The following RSRC1 variants were observed in gnomAD, a reference collection of about 807,000 sequenced individuals.
The protein encoded by RSRC1 is arginine and serine rich coiled-coil 1, also known as serine/Arginine-related protein 53.
A neutral mutation model predicts 49.1 loss-of-function variants in RSRC1; 39 were observed. The observed-to-expected ratio is 0.79, with a 90% CI of 0.61 to 1.04. RSRC1 has a LOEUF of 1.04. Among genes scored for constraint, RSRC1 ranks in the 50% least tolerant of loss-of-function variants. RSRC1 has a pLI of 0.00. For missense variants in RSRC1, 388 were observed against 402.4 expected, an observed-to-expected ratio of 0.96 and a Z score of 0.31; for synonymous variants, 143 against 130.8, an observed-to-expected ratio of 1.09 and a Z score of -0.63.
intron 5 of RSRC1, among the ~76,000 whole-genome samples, chr3:158,345,056 T>TA (rs1730468816): frequency 1.3e-5 from 2 of 148,338 alleles, no homozygotes; most frequent in Non-Finnish European, 3.0e-5. Flanking sequence ...CCATCTCTAC[T>TA]AAAAAATAAA....
chr3:158,204,965 CATT>C (rs1239192522), intron 4 of RSRC1, among the ~76,000 whole-genome samples: 4 of 152,118 alleles, frequency 2.6e-5, no homozygotes, highest in Non-Finnish European at 5.9e-5. Flanking sequence ...CATATGGTAA[CATT>C]AATCTTGAAT....
chr3:158,473,445 T>C (rs964128886), intron 7 of RSRC1, among the ~76,000 whole-genome samples: 1 of 151,832 alleles, frequency 6.6e-6, no homozygotes, highest in Non-Finnish European at 1.5e-5. Flanking sequence ...TTCTTACTCA[T>C]AGGTGGGAAT....
At chr3:158,346,131 C>T (rs1276026031) in intron 5 of RSRC1, among the ~76,000 whole-genome samples, 6 of 151,844 alleles carry the variant, frequency 4.0e-5, no homozygotes, top group Non-Finnish European at 8.8e-5. Flanking sequence ...TTAAATACAC[C>T]ACCATAAAAG....
chr3:158,499,148 C>T (rs553710924), intron 7 of RSRC1, among the ~76,000 whole-genome samples: 7 of 152,150 alleles, frequency 4.6e-5, no homozygotes, highest in East Asian at 3.9e-4. Context: ...GAAGCCGAGG[C>T]GGACTGGTCA....
chr3:158,342,600 T>A, intron 5 of RSRC1, among the ~76,000 whole-genome samples: 1 of 152,190 alleles, frequency 6.6e-6, no homozygotes. Flanking sequence ...AACAGACTAA[T>A]GCATAGAGAT....
At chr3:158,328,735 G>A (rs375889000) in intron 5 of RSRC1, among the ~76,000 whole-genome samples, 2 of 152,208 alleles carry the variant, frequency 1.3e-5, no homozygotes, top group East Asian at 3.9e-4. Context: ...TCTTCTCGAG[G>A]AGTATCTTTG....
chr3:158,501,933 CT>C (rs1488355282), intron 7 of RSRC1, among the ~76,000 whole-genome samples: 1 of 151,922 alleles, frequency 6.6e-6, no homozygotes, highest in Non-Finnish European at 1.5e-5. Context: ...TTTGTTTTTG[CT>C]TTTTAACTTG....
intron 6 of RSRC1, among the ~76,000 whole-genome samples, chr3:158,364,106 C>A (rs1000190582): frequency 9.9e-5 from 15 of 152,132 alleles, no homozygotes; most frequent in African/African-American, 3.6e-4. Flanking sequence ...TCTTCATAGC[C>A]ATGTGATCCT....
At chr3:158,362,946 C>T (rs971429091) in intron 6 of RSRC1, among the ~76,000 whole-genome samples, 3 of 152,106 alleles carry the variant, frequency 2.0e-5, no homozygotes, top group African/African-American at 7.2e-5. Flanking sequence ...ACACATGCAC[C>T]TTTAAAATTA....
At chr3:158,459,168 C>G (rs375130151) in intron 6 of RSRC1, among the ~76,000 whole-genome samples, 1 of 151,954 alleles carries the variant, frequency 6.6e-6, no homozygotes, top group South Asian at 2.1e-4. Context: ...GTTTGAAGCT[C>G]AATTACATAA....
At chr3:158,477,111 A>G (rs1406914919) in intron 7 of RSRC1, among the ~76,000 whole-genome samples, 1 of 152,150 alleles carries the variant, frequency 6.6e-6, no homozygotes, top group Non-Finnish European at 1.5e-5. Flanking sequence ...ACATGAACAA[A>G]TGAGTAGTTG....
chr3:158,216,745 T>C (rs953511635), intron 4 of RSRC1, among the ~76,000 whole-genome samples: 4 of 151,702 alleles, frequency 2.6e-5, no homozygotes, highest in Admixed American at 2.0e-4. Flanking sequence ...ATCTCCCACA[T>C]ACCTGAGCGT....
intron 4 of RSRC1, among the ~76,000 whole-genome samples, chr3:158,295,784 CA>C (rs1727201127): frequency 6.6e-6 from 1 of 152,038 alleles, no homozygotes; most frequent in Admixed American, 6.6e-5. Flanking sequence ...CAATAGCCTA[CA>C]TTGTCTTTTT....
At chr3:158,436,009 G>C (rs943154783) in intron 6 of RSRC1, among the ~76,000 whole-genome samples, 1 of 151,774 alleles carries the variant, frequency 6.6e-6, no homozygotes, top group East Asian at 1.9e-4. Context: ...TGTCTTAAAT[G>C]TTTCTAAAAC....
intron 4 of RSRC1, among the ~76,000 whole-genome samples, chr3:158,224,914 G>T (rs369195562): frequency 6.6e-6 from 1 of 151,762 alleles, no homozygotes; most frequent in Non-Finnish European, 1.5e-5. Context: ...TTTCTATTTT[G>T]AAGAGAATTT....
rs1050521136 is a variant in RSRC1 at position 158,197,312 on chromosome 3, A to T, written c.321-5760A>T. On this transcript the variant is annotated intron_variant, in intron 3 of 9. Coordinates refer to ENST00000611884, the MANE Select transcript of RSRC1 (RefSeq NM_001271838.2). ...ATAGAGGTGTTTATAGTATTCTCTGATGGTAGTTTGTATTTCTGTGGGATT... is the reference window on the plus strand; with the variant it reads ...ATAGAGGTGTTTATAGTATTCTCTGTTGGTAGTTTGTATTTCTGTGGGATT... 1.8e-3 allele frequency among the ~76,000 whole-genome samples: 276 copies of T among 152,036 alleles called. 1 individual carries two copies. The highest frequency in any genetic ancestry group is 3.4e-3 in the Non-Finnish European group (230 of 68,014).
At chr3:158,220,202 G>C (rs1227321411) in intron 4 of RSRC1, among the ~76,000 whole-genome samples, 1 of 151,650 alleles carries the variant, frequency 6.6e-6, no homozygotes, top group Non-Finnish European at 1.5e-5. Flanking sequence ...GCTAATCGTA[G>C]ATAGGGAAGT....
At chr3:158,537,242 C>A in intron 8 of RSRC1, 44 bp downstream of exon 8, 1 of 1,130,332 alleles carries the variant, frequency 8.8e-7, no homozygotes, top group Non-Finnish European at 1.3e-6. Flanking sequence ...TTGGATTCTA[C>A]CTGAAGAGAT....
intron 3 of RSRC1, among the ~76,000 whole-genome samples, chr3:158,126,919 T>C (rs1715664014): frequency 7.1e-6 from 1 of 141,068 alleles, no homozygotes; most frequent in Non-Finnish European, 1.6e-5. Context: ...TGTTTTTGTT[T>C]TTTGCTTTCA....
Sources: allele counts gnomAD v4.1 joint callset (sites outside exome capture counted in the v4.1 genomes callset), GRCh38; gene constraint gnomAD v4.1.1; transcripts MANE v1.5; gene names NCBI Gene and HGNC (gene_info 2026-07-23, HGNC 2026-07-21).